DOP1B: variants seen among roughly 807,000 people sequenced by gnomAD.
DOP1B encodes the protein protein DOP1B.
DOP1B carries 174 observed loss-of-function variants against 233.5 expected under a neutral mutation model. The observed-to-expected ratio is 0.75, with a 90% confidence interval of 0.66 to 0.85. DOP1B has a LOEUF of 0.85. Among genes scored for constraint, DOP1B ranks in the 40% least tolerant of loss-of-function variants. DOP1B has a pLI of 0.00. For missense variants in DOP1B, 2,652 were observed against 2,846.6 expected, an observed-to-expected ratio of 0.93 and a Z score of 1.56; for synonymous variants, 1,190 against 1,185.6, an observed-to-expected ratio of 1.00 and a Z score of -0.08.
chr21:36,201,702 TA>T (rs1024448778), intron 4 of DOP1B, among the ~76,000 whole-genome samples: 2 of 152,088 alleles, frequency 1.3e-5, no homozygotes, highest in African/African-American at 4.8e-5. Flanking sequence ...GCTTCTAAAT[TA>T]AAAAGCAAAG....
intron 2 of DOP1B, among the ~76,000 whole-genome samples, chr21:36,183,485 C>T (rs2066125686): frequency 6.6e-6 from 1 of 152,250 alleles, no homozygotes; most frequent in South Asian, 2.1e-4. Flanking sequence ...CCTGTTTCTT[C>T]TGCAGGCTGA....
chr21:36,291,992 A>C (rs2067564466), intron 35 of DOP1B, 112 bp from the exon 36 acceptor site: 1 of 1,233,312 alleles, frequency 8.1e-7, no homozygotes, highest in African/African-American at 1.6e-5. Context: ...AAAGGCATTG[A>C]GTTGTCCATA....
intron 2 of DOP1B, chr21:36,168,913 A>C (rs1288287353): frequency 8.0e-6 from 4 of 497,000 alleles, no homozygotes; most frequent in African/African-American, 7.9e-5. Flanking sequence ...TTTAATTAAT[A>C]ATTTTAAAAA....
At chr21:36,199,649 A>C (rs2066337458) in intron 3 of DOP1B, among the ~76,000 whole-genome samples, 1 of 150,930 alleles carries the variant, frequency 6.6e-6, no homozygotes, top group East Asian at 2.0e-4. Context: ...AAGTGTTCTC[A>C]TTGTTCAATC....
At chr21:36,193,220 A>C (rs547868877) in intron 2 of DOP1B, among the ~76,000 whole-genome samples, 73 of 152,278 alleles carry the variant, frequency 4.8e-4, no homozygotes, top group African/African-American at 1.7e-3. Flanking sequence ...AAAGCATGCA[A>C]ATTAAGTTTT....
At chr21:36,288,294 G>T (rs185485616) in intron 33 of DOP1B, 144 bp downstream of exon 33, 11 of 753,138 alleles carry the variant, frequency 1.5e-5, no homozygotes, top group African/African-American at 1.8e-5. Flanking sequence ...TTAGCTCTTG[G>T]TTAAACAGAG....
intron 27 of DOP1B, among the ~76,000 whole-genome samples, chr21:36,274,013 G>A (rs1179613018): frequency 1.3e-5 from 2 of 152,148 alleles, no homozygotes; most frequent in Non-Finnish European, 2.9e-5. Context: ...GGGAGGTGGA[G>A]GTTGCAGTGA....
Position 36,289,041 on chromosome 21 carries a change from A to G in DOP1B, c.6354-4A>G, listed in dbSNP as rs1569073853. ...ATAACAAGCGTTTCTTTGCAAATTTATAGAAGCACCAACAAAGTAAACAGA... is the reference window on the plus strand; with the variant it reads ...ATAACAAGCGTTTCTTTGCAAATTTGTAGAAGCACCAACAAAGTAAACAGA... On this transcript the variant is annotated splice_polypyrimidine_tract_variant and splice_region_variant and intron_variant, in intron 34 of 36. Transcript: ENST00000691173. 4.3e-6 allele frequency: 7 copies of G among 1,611,082 alleles called. No homozygotes were observed. Among genetic ancestry groups the G allele is most frequent in the Non-Finnish European group, 5.9e-6 (7 of 1,179,116 alleles).
intron 35 of DOP1B, among the ~76,000 whole-genome samples, chr21:36,291,239 C>G (rs13047003): frequency 1.3e-5 from 2 of 151,748 alleles, no homozygotes; most frequent in African/African-American, 4.8e-5. Context: ...CCAGCCTGGG[C>G]GAAAGAGCGA....
intron 2 of DOP1B, among the ~76,000 whole-genome samples, chr21:36,191,892 T>C (rs1046630143): frequency 7.2e-5 from 11 of 152,104 alleles, no homozygotes; most frequent in Admixed American, 5.2e-4. Context: ...AAAATACACA[T>C]GGCCTAAAGT....
At chr21:36,214,420 T>C (rs1486143381) in intron 8 of DOP1B, 22 bp from the exon 9 acceptor site, 1 of 1,599,126 alleles carries the variant, frequency 6.3e-7, no homozygotes, top group Admixed American at 1.8e-5. Context: ...TATTCTAATA[T>C]GTGGCTTTTT....
chr21:36,270,936 AAAGTACCTGAGGTGATGCATGTCTT>A lies in DOP1B; in HGVS notation c.5632+782_5632+806del, dbSNP rs1471328669. Among the ~76,000 whole-genome samples the A allele has an allele frequency of 5.2e-3, 789 of 151,436 alleles. 6 individuals are homozygous for A. The highest frequency in any genetic ancestry group is 9.0e-3 in the Non-Finnish European group (614 of 67,866). On this transcript the variant is annotated intron_variant, in intron 27 of 36. Coordinates refer to ENST00000691173, the MANE Select transcript of DOP1B (RefSeq NM_001320714.2). Reference sequence around the variant, plus strand: ...TCAAAAAAAAAAAAAAGAAAGAAAGAAAGTACCTGAGGTGATGCATGTCTTAACTTGTGTTTTTTCACAATGTATG... The same window carrying A: ...TCAAAAAAAAAAAAAAGAAAGAAAGAAACTTGTGTTTTTTCACAATGTATG...
chr21:36,229,661 CTTTTTT>C lies in DOP1B; in HGVS notation c.1666-776_1666-771del, dbSNP rs373779563. Among the ~76,000 whole-genome samples, 132 of 127,698 alleles carry C rather than the reference CTTTTTT, an allele frequency of 1.0e-3. 1 individual carries two copies. The Middle Eastern group carries it at 0.012, about 12-fold the overall frequency. 83.8% of individuals were successfully genotyped at this position (127,698 alleles called of 152,430 possible). A position where few individuals can be genotyped will look rare whatever the true frequency, so the allele number is the denominator to read the frequency against. On this transcript the variant is annotated intron_variant, in intron 13 of 36. Coordinates refer to ENST00000691173, the MANE Select transcript of DOP1B (RefSeq NM_001320714.2). ...TACACTATTCTCTGACTTGCTTTACCTTTTTTTTTTTTTTTTTTGAGACAGAGTCTC... is the reference window on the plus strand; with the variant it reads ...TACACTATTCTCTGACTTGCTTTACCTTTTTTTTTTTTGAGACAGAGTCTC...
At chr21:36,231,909 G>A (rs563737289) in intron 14 of DOP1B, among the ~76,000 whole-genome samples, 3 of 147,700 alleles carry the variant, frequency 2.0e-5, no homozygotes, top group South Asian at 2.2e-4. Context: ...GCAGTGGCGC[G>A]ATCTTGGCTC....
chr21:36,276,940 C>A, intron 27 of DOP1B, 81 bp from the exon 28 acceptor site: 2 of 1,412,208 alleles, frequency 1.4e-6, no homozygotes, highest in Non-Finnish European at 2.0e-6. Context: ...TGATGGCTCA[C>A]ATTCATGCAG....
intron 14 of DOP1B, among the ~76,000 whole-genome samples, 155 bp downstream of exon 14, chr21:36,231,289 G>A (rs189910076): frequency 1.0e-3 from 155 of 152,262 alleles, no homozygotes; most frequent in African/African-American, 3.6e-3. Flanking sequence ...TACACTTACC[G>A]ATTCAGCATT....
At chr21:36,224,397 C>T (rs1300763726) in intron 11 of DOP1B, among the ~76,000 whole-genome samples, 1 of 152,046 alleles carries the variant, frequency 6.6e-6, no homozygotes, top group Non-Finnish European at 1.5e-5. Flanking sequence ...CCAGGCTGGT[C>T]CCAAACTCCT....
chr21:36,212,534 T>C (rs538690262), intron 7 of DOP1B, among the ~76,000 whole-genome samples: 8 of 152,206 alleles, frequency 5.3e-5, no homozygotes, highest in Non-Finnish European at 8.8e-5. Context: ...TTGGATAACT[T>C]TGGAGATCAC....
Position 36,168,977 on chromosome 21 carries a change from C to T in DOP1B, c.138+4106C>T, listed in dbSNP as rs1160056208. The T allele has an allele frequency of 3.1e-5, 23 of 731,930 alleles. No individual in the cohort carries two copies. The Admixed American group carries it at 3.5e-4, about 11-fold the overall frequency. 45.3% of individuals were successfully genotyped at this position (731,930 alleles called of 1,614,324 possible). On this transcript the variant is annotated intron_variant, in intron 2 of 36. Transcript: ENST00000691173. ...CAAAACCTGTTCCTGGCGTTAAGCT[C>T]CTTCTTCCTTTGCAATTCGGTCTTT...
Sources: allele counts gnomAD v4.1 joint callset (sites outside exome capture counted in the v4.1 genomes callset), GRCh38; gene constraint gnomAD v4.1.1; transcripts MANE v1.5; gene names NCBI Gene and HGNC (gene_info 2026-07-23, HGNC 2026-07-21).